NDST4: variants seen among roughly 807,000 people sequenced by gnomAD.
NDST4 encodes N-heparan sulfate sulfotransferase 4.
Under a neutral mutation model 100.8 loss-of-function variants are expected in NDST4, and 63 were observed. The observed-to-expected ratio is 0.62, with a 90% CI of 0.51 to 0.77. The LOEUF is 0.77. Among genes scored for constraint, NDST4 ranks in the 30% least tolerant of loss-of-function variants. The probability of loss-of-function intolerance (pLI) is 0.00; values close to 1 mark genes in which losing one functional copy is unlikely to be tolerated. For synonymous variants in NDST4, 377 were observed against 361.8 expected (o/e 1.04, Z -0.48); for missense variants, 943 against 1,018.4 (o/e 0.93, Z 1.01).
chr4:114,969,842 C>T (rs1372822507), intron 4 of NDST4, among the ~76,000 whole-genome samples: 1 of 152,104 alleles, frequency 6.6e-6, no homozygotes, highest in African/African-American at 2.4e-5. Flanking sequence ...AATAGGATTG[C>T]TCAATCAAAT....
intron 2 of NDST4, among the ~76,000 whole-genome samples, chr4:114,986,257 A>C (rs1196407242): frequency 6.6e-6 from 1 of 152,198 alleles, no homozygotes; most frequent in Non-Finnish European, 1.5e-5. Flanking sequence ...ATTAAACTGC[A>C]GTGTGTTCAT....
intron 2 of NDST4, among the ~76,000 whole-genome samples, chr4:115,049,407 T>C (rs2126278142): frequency 6.6e-6 from 1 of 152,188 alleles, no homozygotes; most frequent in African/African-American, 2.4e-5. Flanking sequence ...ACTATGCCCT[T>C]GCTAGAAATG....
At chr4:114,844,485 C>A (rs1395795006) in intron 10 of NDST4, among the ~76,000 whole-genome samples, 1 of 152,266 alleles carries the variant, frequency 6.6e-6, no homozygotes, top group Middle Eastern at 3.4e-3. Context: ...ATATCCAATG[C>A]GTTTAACATA....
At chr4:115,028,350 G>A (rs10014003) in intron 2 of NDST4, among the ~76,000 whole-genome samples, 2,466 of 152,150 alleles carry the variant, frequency 0.016, 62 homozygotes, top group African/African-American at 0.057. Context: ...AAACTTCCAG[G>A]AGATGATGTC....
chr4:114,898,771 T>C (rs1724770478), intron 6 of NDST4, among the ~76,000 whole-genome samples: 1 of 152,334 alleles, frequency 6.6e-6, no homozygotes. Flanking sequence ...TATACCTAAA[T>C]ATTTCATTTT....
At chr4:114,856,965 T>C (rs1306107573) in intron 7 of NDST4, among the ~76,000 whole-genome samples, 1 of 152,186 alleles carries the variant, frequency 6.6e-6, no homozygotes, top group African/African-American at 2.4e-5. Context: ...TATTTCTCTG[T>C]GCATTTATTG....
chr4:114,850,159 A>G (rs1723642091), intron 8 of NDST4, among the ~76,000 whole-genome samples: 1 of 152,202 alleles, frequency 6.6e-6, no homozygotes, highest in African/African-American at 2.4e-5. Context: ...TTCCTAAGGT[A>G]TTGAAGGTAG....
intron 6 of NDST4, among the ~76,000 whole-genome samples, chr4:114,912,932 T>C (rs1725093090): frequency 6.6e-6 from 1 of 152,086 alleles, no homozygotes; most frequent in Non-Finnish European, 1.5e-5. Context: ...AATCAGGCTG[T>C]AAAATAATGG....
chr4:115,076,759 T>C lies in NDST4; in HGVS notation c.278A>G (p.Gln93Arg). The C allele has an allele frequency of 1.2e-6, 2 of 1,614,026 alleles. No homozygotes were observed. Among genetic ancestry groups the C allele is most frequent in the Non-Finnish European group, 1.7e-6 (2 of 1,179,954 alleles). Residue 93 changes from glutamine to arginine, a missense_variant, in exon 2 of 14, where the codon CAA becomes CGA. This residue lies in a region of NDST4 where 417 missense variants were observed against 384.2 expected (regional missense o/e 1.09). Coordinates refer to ENST00000264363, the MANE Select transcript of NDST4 (RefSeq NM_022569.3). ...FVESQYSQLG[Q>R]DIIAILESSR... ...GGACTCCAAAATAGCTATGATATCT[T>C]GACCGAGTTGAGAGTATTGGCTCTC...
At chr4:114,891,503 C>T (rs909197526) in intron 6 of NDST4, among the ~76,000 whole-genome samples, 7 of 152,068 alleles carry the variant, frequency 4.6e-5, no homozygotes, top group African/African-American at 1.4e-4. Flanking sequence ...CCCTTGTTCT[C>T]GATGCCCTGT....
intron 2 of NDST4, among the ~76,000 whole-genome samples, chr4:115,058,017 T>A (rs1380756739): frequency 6.6e-6 from 1 of 152,138 alleles, no homozygotes; most frequent in Non-Finnish European, 1.5e-5. Context: ...GAAAGGCCAC[T>A]TGGAAGTCAA....
chr4:115,009,598 G>C lies in NDST4; in HGVS notation c.979-32324C>G. Among the ~76,000 whole-genome samples, 2 of 124,028 alleles carry C rather than the reference G, an allele frequency of 1.6e-5. 1 individual carries two copies. Among genetic ancestry groups the C allele is most frequent in the Non-Finnish European group, 3.4e-5 (2 of 58,982 alleles). The allele number at this position is 124,028 out of a possible 152,430, so 81.4% of individuals were successfully genotyped here. A position where few individuals can be genotyped will look rare whatever the true frequency, so the allele number is the denominator to read the frequency against. ...ATAAAAACCCTAGAAGAAAACCTAG[G>C]CATTACCATTCAGGACATAGGCATA... On this transcript the variant is annotated intron_variant, in intron 2 of 13. Coordinates refer to ENST00000264363, the MANE Select transcript of NDST4 (RefSeq NM_022569.3).
chr4:115,035,394 T>C (rs542623674), intron 2 of NDST4, among the ~76,000 whole-genome samples: 1 of 152,142 alleles, frequency 6.6e-6, no homozygotes, highest in South Asian at 2.1e-4. Flanking sequence ...ATAGTTGAAG[T>C]AGTGGGTAAA....
chr4:114,831,378 T>C (rs1723198631), intron 12 of NDST4, among the ~76,000 whole-genome samples: 1 of 152,174 alleles, frequency 6.6e-6, no homozygotes, highest in African/African-American at 2.4e-5. Context: ...CAATCTGCTC[T>C]TTGCCTGTCA....
intron 1 of NDST4, among the ~76,000 whole-genome samples, chr4:115,110,072 T>C (rs1341395718): frequency 6.6e-6 from 1 of 151,918 alleles, no homozygotes; most frequent in Non-Finnish European, 1.5e-5. Context: ...AATTCAATAT[T>C]ATTTCTGAAA....
chr4:114,876,089 C>T (rs867065857), intron 6 of NDST4, among the ~76,000 whole-genome samples: 20 of 152,154 alleles, frequency 1.3e-4, no homozygotes, highest in Admixed American at 2.6e-4. Flanking sequence ...AAAAAATGCA[C>T]AATCACAAAC....
At chr4:114,924,586 C>T (rs1725352432) in intron 6 of NDST4, among the ~76,000 whole-genome samples, 1 of 152,036 alleles carries the variant, frequency 6.6e-6, no homozygotes, top group Admixed American at 6.6e-5. Context: ...CCCAGAGCTC[C>T]CAATAACATT....
intron 6 of NDST4, among the ~76,000 whole-genome samples, chr4:114,927,021 G>A (rs1253256508): frequency 6.6e-6 from 1 of 151,968 alleles, no homozygotes; most frequent in East Asian, 1.9e-4. Context: ...TTATATTTCA[G>A]TATACAAGTA....
chr4:115,036,275 T>C (rs1165889802), intron 2 of NDST4, among the ~76,000 whole-genome samples: 1 of 151,450 alleles, frequency 6.6e-6, no homozygotes, highest in Non-Finnish European at 1.5e-5. Flanking sequence ...TAAAAGAGAA[T>C]CTCATTTTTC....
Sources: allele counts gnomAD v4.1 joint callset (sites outside exome capture counted in the v4.1 genomes callset), GRCh38; gene constraint gnomAD v4.1.1; regional missense constraint gnomAD v4.1.1; transcripts MANE v1.5; gene names NCBI Gene and HGNC (gene_info 2026-07-23, HGNC 2026-07-21).